The following SCLY variants were observed in gnomAD, a reference collection of about 807,000 sequenced individuals.
SCLY encodes putative selenocysteine lyase.
In SCLY, 38 loss-of-function variants were observed where a neutral mutation model predicts 50.1. The observed-to-expected ratio is 0.76, with a 90% CI of 0.59 to 0.99. The LOEUF (loss-of-function observed/expected upper bound fraction) is 0.99, where lower values mean the gene tolerates loss of function less well. SCLY is among the 50% of genes least tolerant of loss of function. SCLY has a pLI of 0.00. For missense variants in SCLY, 600 were observed against 620.0 expected (o/e 0.97, Z 0.34); for synonymous variants, 243 against 249.4 (o/e 0.97, Z 0.24).
intron 1 of SCLY, chr2:238,061,492 G>A (rs2065018115): frequency 1.3e-5 from 5 of 391,148 alleles, no homozygotes; most frequent in African/African-American, 2.2e-5. Flanking sequence ...CCCTGAGCCC[G>A]GGAAGAACTT....
At chr2:238,071,964 T>TTTTTCAGTTATAGAAAATTTTTCTATAA (rs1307148485) in intron 4 of SCLY, among the ~76,000 whole-genome samples, 109 of 152,296 alleles carry the variant, frequency 7.2e-4, no homozygotes, top group Middle Eastern at 3.4e-3. Flanking sequence ...CACCACTATA[T>TTTTTCAGTTATAGAAAATTTTTCTATAA]TTTTCAGTTA....
chr2:238,078,965 T>G (rs2065202089), intron 4 of SCLY: 1 of 151,880 alleles, frequency 6.6e-6, no homozygotes, highest in Non-Finnish European at 1.5e-5. Flanking sequence ...AATGCTGGGA[T>G]TACAGGCGTG....
intron 7 of SCLY, among the ~76,000 whole-genome samples, chr2:238,088,660 A>G (rs1434953320): frequency 6.6e-6 from 1 of 152,238 alleles, no homozygotes; most frequent in Non-Finnish European, 1.5e-5. Context: ...TAACAAGCTA[A>G]TGAATAAAGA....
chr2:238,084,384 A>G (rs1230016078), intron 7 of SCLY, among the ~76,000 whole-genome samples: 1 of 151,730 alleles, frequency 6.6e-6, no homozygotes, highest in Non-Finnish European at 1.5e-5. Flanking sequence ...TGGGGTCAGG[A>G]GTTTGAGAGC....
chr2:238,064,521 C>T (rs192773065), intron 2 of SCLY, 52 bp downstream of exon 2: 99 of 1,319,074 alleles, frequency 7.5e-5, no homozygotes, highest in East Asian at 3.3e-4. Context: ...GGGGATGGGG[C>T]GCTCTTAGAG....
intron 4 of SCLY, among the ~76,000 whole-genome samples, chr2:238,077,955 T>TTC (rs904156807): frequency 2.8e-5 from 4 of 140,852 alleles, no homozygotes; most frequent in African/African-American, 1.1e-4. Context: ...TAGATTCTCT[T>TTC]TTTTTTTTTT....
intron 7 of SCLY, among the ~76,000 whole-genome samples, chr2:238,086,299 G>A (rs760503369): frequency 6.6e-6 from 1 of 152,128 alleles, no homozygotes; most frequent in South Asian, 2.1e-4. Flanking sequence ...AAAAATCTTA[G>A]CAATATCTGA....
chr2:238,092,068 G>A (rs1377975835), intron 8 of SCLY: 1 of 152,270 alleles, frequency 6.6e-6, no homozygotes, highest in African/African-American at 2.4e-5. Context: ...GATAACTGTG[G>A]CTACATTTAC....
At chr2:238,091,529 A>G in intron 8 of SCLY, 1 of 415,070 alleles carries the variant, frequency 2.4e-6, no homozygotes, top group Non-Finnish European at 4.4e-6. Context: ...GCAGAGGTGA[A>G]GTGTCAAGCT....
rs199671595 is a variant in SCLY at position 238,094,563 on chromosome 2, G to C, written c.1108+41G>C. On this transcript the variant is annotated intron_variant, in intron 10 of 11. Transcript: ENST00000254663. ...CCTGGTCTTTCCGAGTGTGAGCACA[G>C]CTCCCTCGGTGCGTGGATTCTGGTC... 1.2e-4 allele frequency: 178 copies of C among 1,505,300 alleles called. 2 individuals carry two copies. The Middle Eastern group carries it at 2.3e-3, about 19-fold the overall frequency. The allele number at this position is 1,505,300 out of a possible 1,614,324, so 93.2% of individuals were successfully genotyped here.
At chr2:238,073,371 A>G (rs1190717413) in intron 4 of SCLY, among the ~76,000 whole-genome samples, 1 of 152,232 alleles carries the variant, frequency 6.6e-6, no homozygotes, top group Non-Finnish European at 1.5e-5. Context: ...TTTTAGGATC[A>G]GCTTGTTAAA....
rs557503566 is a variant in SCLY at position 238,069,235 on chromosome 2, G to T, written c.304-62G>T. 2.4e-5 allele frequency: 34 copies of T among 1,442,834 alleles called. No individual in the cohort carries two copies. The highest frequency in any genetic ancestry group is 1.3e-5 in the Non-Finnish European group (14 of 1,065,062). 89.4% of individuals were successfully genotyped at this position (1,442,834 alleles called of 1,614,324 possible). A position where few individuals can be genotyped will look rare whatever the true frequency, so the allele number is the denominator to read the frequency against. On this transcript the variant is annotated intron_variant, in intron 3 of 11. Coordinates refer to ENST00000254663, the MANE Select transcript of SCLY (RefSeq NM_016510.7). This position sits in a 1 kb window ranked among gnomAD's most constrained non-coding sequence, Gnocchi z 5.0. ...CAAAAGAAATTAAGTAACAGAAATT[G>T]TTGCTCTGACCCTTACCTCAGCACA...
chr2:238,097,158 AGGGCTGGGGC>A (rs1230564674), intron 11 of SCLY, among the ~76,000 whole-genome samples: 1,243 of 9,886 alleles, frequency 0.13, 14 homozygotes, highest in Non-Finnish European at 0.15. Flanking sequence ...GGGGCTGGGG[AGGGCTGGGGC>A]GGGCTGGGGT....
intron 4 of SCLY, among the ~76,000 whole-genome samples, chr2:238,073,032 T>G (rs2065141630): frequency 6.6e-6 from 1 of 152,246 alleles, no homozygotes. Context: ...TTTGAGTTAA[T>G]TTTGTGTGTG....
intron 6 of SCLY, among the ~76,000 whole-genome samples, chr2:238,082,419 G>C (rs968293371): frequency 3.9e-5 from 6 of 152,230 alleles, no homozygotes; most frequent in Non-Finnish European, 8.8e-5. Context: ...GGGATGATGG[G>C]GGGGGTGCCC....
intron 7 of SCLY, 81 bp from the exon 8 acceptor site, chr2:238,091,137 T>C: frequency 7.8e-7 from 1 of 1,289,856 alleles, no homozygotes; most frequent in South Asian, 1.2e-5. Context: ...TTGATTTTAT[T>C]TTAACACAAT....
intron 7 of SCLY, among the ~76,000 whole-genome samples, chr2:238,090,873 A>G (rs1276190311): frequency 6.6e-6 from 1 of 152,072 alleles, no homozygotes; most frequent in Non-Finnish European, 1.5e-5. Flanking sequence ...CCTGTTCCAT[A>G]CTATACTGAT....
At chr2:238,061,467 G>C (rs2065017702) in intron 1 of SCLY, 1 of 442,710 alleles carries the variant, frequency 2.3e-6, no homozygotes, top group African/African-American at 2.1e-5. Flanking sequence ...CTTGCCGGAG[G>C]TGAACCGGCA....
At position 238,067,624 on chromosome 2, in the gene SCLY, G is replaced by A. The variant is rs2065082665; in HGVS notation, c.203-441G>A. Among the ~76,000 whole-genome samples, 1 of 152,220 alleles carries A rather than the reference G, an allele frequency of 6.6e-6. No individual in the cohort carries two copies. Among genetic ancestry groups the A allele is most frequent in the Non-Finnish European group, 1.5e-5 (1 of 68,036 alleles). On this transcript the variant is annotated intron_variant, in intron 2 of 11. Coordinates refer to ENST00000254663, the MANE Select transcript of SCLY (RefSeq NM_016510.7). The surrounding 1 kb of genome is among the most constrained non-coding windows in gnomAD (Gnocchi z 4.3). Reference sequence around the variant, plus strand: ...GTGGGCGACATGCAAAATGAGATATGGCACTGGACTTCGCGTCGAGTCATG... The same window carrying A: ...GTGGGCGACATGCAAAATGAGATATAGCACTGGACTTCGCGTCGAGTCATG...
Sources: allele counts gnomAD v4.1 joint callset (sites outside exome capture counted in the v4.1 genomes callset), GRCh38; gene constraint gnomAD v4.1.1; non-coding constraint Gnocchi (gnomAD v3.1); transcripts MANE v1.5; gene names NCBI Gene and HGNC (gene_info 2026-07-23, HGNC 2026-07-21).